HOOK3: variants seen among roughly 807,000 people sequenced by gnomAD.
The protein encoded by HOOK3 is protein Hook homolog 3.
HOOK3 carries 24 observed loss-of-function variants against 116.3 expected under a neutral mutation model. That is an observed-to-expected ratio of 0.21 (90% CI 0.15 to 0.29). The LOEUF (loss-of-function observed/expected upper bound fraction) is 0.29. Among genes scored for constraint, HOOK3 ranks in the 10% least tolerant of loss-of-function variants. HOOK3 has a pLI of 1.00. For missense variants in HOOK3, 632 were observed against 830.2 expected, an observed-to-expected ratio of 0.76 and a Z score of 2.93; for synonymous variants, 275 against 283.0, an observed-to-expected ratio of 0.97 and a Z score of 0.28.
In HOOK3 at chr8:42,946,692, T is replaced by C. The variant is rs371126346; in HGVS notation, c.400+3247T>C. Among the ~76,000 whole-genome samples the C allele has an allele frequency of 7.9e-5, 12 of 152,126 alleles. No homozygotes were observed. In the East Asian group the frequency reaches 9.6e-4, roughly 12 times the overall value. ...CTAATTTTATTGGTCTCCAATTCAG[T>C]ATTTTTTAAAACAATATATTTCTTT... On this transcript the variant is annotated intron_variant, in intron 5 of 21. Coordinates refer to ENST00000307602, the MANE Select transcript of HOOK3 (RefSeq NM_032410.4).
At chr8:42,939,423 GGGCA>G (rs1808049846) in intron 4 of HOOK3, among the ~76,000 whole-genome samples, 1 of 150,728 alleles carries the variant, frequency 6.6e-6, no homozygotes, top group African/African-American at 2.4e-5. Flanking sequence ...CTCCCGGATG[GGGCA>G]GCTGGCCGGG....
chr8:43,004,780 G>C lies in HOOK3; in HGVS notation c.1655+2639G>C, dbSNP rs1809446550. Among the ~76,000 whole-genome samples the C allele has an allele frequency of 4.0e-5, 6 of 151,382 alleles. No individual in the cohort carries two copies. In the South Asian group the frequency reaches 1.3e-3, roughly 32 times the overall value. ...CATACTGAGTATTGCCGAAGATGTT[G>C]AGCAATGGCAATTCTCATCCATTGC... On this transcript the variant is annotated intron_variant, in intron 17 of 21. Coordinates refer to ENST00000307602, the MANE Select transcript of HOOK3 (RefSeq NM_032410.4).
intron 9 of HOOK3, among the ~76,000 whole-genome samples, chr8:42,965,430 A>G (rs1361954049): frequency 6.6e-6 from 1 of 152,202 alleles, no homozygotes; most frequent in African/African-American, 2.4e-5. Flanking sequence ...TCTTCCAGAC[A>G]TCTTCTGTGG....
In HOOK3 at chr8:42,997,532, T is replaced by C. The variant is rs774468526; in HGVS notation, c.1533-18T>C. 39 of 1,520,910 alleles carry C rather than the reference T, an allele frequency of 2.6e-5. No individual in the cohort carries two copies. Among genetic ancestry groups the C allele is most frequent in the Non-Finnish European group, 3.3e-5 (36 of 1,104,672 alleles). The allele number at this position is 1,520,910 out of a possible 1,614,324, so 94.2% of individuals were successfully genotyped here. A position where few individuals can be genotyped will look rare whatever the true frequency, so the allele number is the denominator to read the frequency against. ...CGTAACTCACCACTTGGAAAATTAA[T>C]GTACATTTCATTTCTAGGCTGGTGA... On this transcript the variant is annotated intron_variant, in intron 15 of 21. Transcript: ENST00000307602.
chr8:42,898,053 C>T (rs1807080345), intron 1 of HOOK3, among the ~76,000 whole-genome samples: 1 of 152,254 alleles, frequency 6.6e-6, no homozygotes, highest in Admixed American at 6.5e-5. Flanking sequence ...GCTACTACAG[C>T]ATTTGTATTA....
intron 4 of HOOK3, among the ~76,000 whole-genome samples, chr8:42,943,081 G>T (rs897926090): frequency 4.0e-5 from 6 of 151,374 alleles, no homozygotes; most frequent in Non-Finnish European, 7.4e-5. Context: ...TGTTTGTTTT[G>T]TTTTTTTTGC....
At chr8:43,009,427 C>T (rs1042901794) in intron 18 of HOOK3, among the ~76,000 whole-genome samples, 2 of 151,778 alleles carry the variant, frequency 1.3e-5, no homozygotes, top group African/African-American at 2.4e-5. Flanking sequence ...GCTCTATTTA[C>T]ATATAGGGAG....
intron 6 of HOOK3, among the ~76,000 whole-genome samples, chr8:42,953,495 C>T (rs1417987921): frequency 6.6e-6 from 1 of 150,890 alleles, no homozygotes; most frequent in Non-Finnish European, 1.5e-5. Flanking sequence ...ATTTGGGAGC[C>T]GGAGGTTGTA....
At chr8:42,953,438 C>T (rs560515690) in intron 6 of HOOK3, among the ~76,000 whole-genome samples, 1 of 151,850 alleles carries the variant, frequency 6.6e-6, no homozygotes, top group South Asian at 2.1e-4. Flanking sequence ...GTGGCACGTA[C>T]CTGTAATCCC....
At chr8:42,954,338 A>G (rs1271368097) in intron 6 of HOOK3, among the ~76,000 whole-genome samples, 1 of 152,220 alleles carries the variant, frequency 6.6e-6, no homozygotes. Context: ...TCTGTGACCA[A>G]GTGACTTTCT....
In HOOK3 at chr8:43,021,993, T is replaced by C. The variant is rs986307638; in HGVS notation, c.*3495T>C. On this transcript the variant is annotated 3_prime_UTR_variant, in exon 22 of 22. Coordinates refer to ENST00000307602, the MANE Select transcript of HOOK3 (RefSeq NM_032410.4). ...CTACATTTATAATTTTCATTCTCTTTTACCTATAAAATTCAGTGTATTAGT... is the reference window on the plus strand; with the variant it reads ...CTACATTTATAATTTTCATTCTCTTCTACCTATAAAATTCAGTGTATTAGT... 5 of 181,854 alleles carry C rather than the reference T, an allele frequency of 2.7e-5. No individual in the cohort carries two copies. The highest frequency in any genetic ancestry group is 9.4e-5 in the African/African-American group (4 of 42,400). The allele number at this position is 181,854 out of a possible 1,614,324, so 11.3% of individuals were successfully genotyped here. A position where few individuals can be genotyped will look rare whatever the true frequency, so the allele number is the denominator to read the frequency against.
chr8:42,996,576 C>T (rs1002084103), intron 15 of HOOK3, among the ~76,000 whole-genome samples: 8 of 152,008 alleles, frequency 5.3e-5, no homozygotes, highest in South Asian at 2.1e-4. Flanking sequence ...AGTTTCTCTC[C>T]GGCCTTTCTT....
At chr8:42,986,564 A>T in intron 14 of HOOK3, 91 bp from the exon 15 acceptor site, 1 of 911,084 alleles carries the variant, frequency 1.1e-6, no homozygotes, top group Non-Finnish European at 1.6e-6. Context: ...TAAATTTGTA[A>T]GAGTGCTTAG....
At chr8:42,959,466 C>G (rs567463478) in intron 8 of HOOK3, 152 bp downstream of exon 8, 1 of 540,920 alleles carries the variant, frequency 1.8e-6, no homozygotes. Flanking sequence ...CACCTGTAAT[C>G]CCAGCACTTC....
chr8:43,013,623 A>G (rs1380769989), intron 21 of HOOK3, among the ~76,000 whole-genome samples: 1 of 152,244 alleles, frequency 6.6e-6, no homozygotes. Flanking sequence ...TCTAGAGGAT[A>G]GAAAGATAAA....
At position 42,959,248 on chromosome 8, in the gene HOOK3, G is replaced by A. The variant is rs1472567861; in HGVS notation, c.549G>A (p.Glu183=). The change falls in exon 8 of 22, where the codon GAG becomes GAA. Residue 183 remains glutamate (E), a synonymous_variant. Transcript: ENST00000307602. ...CTAACCAGCTGAAGAAAACTACAGA[G>A]GAACTAAATGAAGCTTTGTCAGCAA... ...DLDRQLKKTT[E]ELNEALSAKE... is the part of the protein sequence containing the mutation. 6.2e-7 allele frequency: 1 copy of A among 1,612,748 alleles called. No homozygotes were observed. Among genetic ancestry groups the A allele is most frequent in the Middle Eastern group, 1.7e-4 (1 of 6,060 alleles).
At chr8:42,940,217 C>T (rs538385196) in intron 4 of HOOK3, among the ~76,000 whole-genome samples, 12 of 152,382 alleles carry the variant, frequency 7.9e-5, no homozygotes, top group South Asian at 2.1e-4. Flanking sequence ...AACGAGACTC[C>T]GTCTGCAATC....
chr8:42,915,708 A>G (rs1807521288), intron 2 of HOOK3, among the ~76,000 whole-genome samples: 1 of 152,168 alleles, frequency 6.6e-6, no homozygotes, highest in African/African-American at 2.4e-5. Context: ...CTGGGATTAC[A>G]GGCATGAGCC....
intron 8 of HOOK3, among the ~76,000 whole-genome samples, chr8:42,963,366 T>A (rs1333799969): frequency 6.6e-6 from 1 of 152,220 alleles, no homozygotes; most frequent in Non-Finnish European, 1.5e-5. Context: ...GAAGCATTTC[T>A]GAGTTTGGAT....
Sources: gnomAD v4.1 joint callset for allele counts (sites outside exome capture counted in the v4.1 genomes callset) on GRCh38, gnomAD v4.1.1 for gene constraint, MANE v1.5 for transcripts, NCBI Gene and HGNC (gene_info 2026-07-23, HGNC 2026-07-21) for gene names.